ADGRB3: variants seen among roughly 807,000 people sequenced by gnomAD.
ADGRB3 encodes adhesion G protein-coupled receptor B3.
Under a neutral mutation model 193.4 loss-of-function variants are expected in ADGRB3, and 37 were observed. That is an observed-to-expected ratio of 0.19 (90% CI 0.15 to 0.25). The LOEUF (loss-of-function observed/expected upper bound fraction) is 0.25. Among genes scored for constraint, ADGRB3 ranks in the 10% least tolerant of loss-of-function variants. The probability of loss-of-function intolerance (pLI) is 1.00; values close to 1 mark genes in which losing one functional copy is unlikely to be tolerated. For missense variants in ADGRB3, 1,637 were observed against 1,852.9 expected (o/e 0.88, Z 2.14); for synonymous variants, 690 against 644.2 (o/e 1.07, Z -1.08).
At chr6:68,732,436 T>G (rs528660161) in intron 3 of ADGRB3, among the ~76,000 whole-genome samples, 1 of 152,044 alleles carries the variant, frequency 6.6e-6, no homozygotes, top group African/African-American at 2.4e-5. Context: ...AAAATTGTTT[T>G]GGTTATAAAA....
chr6:68,860,274 A>G (rs1053622548), intron 3 of ADGRB3, among the ~76,000 whole-genome samples: 1 of 152,144 alleles, frequency 6.6e-6, no homozygotes, highest in Admixed American at 6.5e-5. Flanking sequence ...TTACATGTGC[A>G]GATTTGTTAC....
At chr6:68,723,250 A>G (rs1027607764) in intron 3 of ADGRB3, among the ~76,000 whole-genome samples, 2 of 151,622 alleles carry the variant, frequency 1.3e-5, no homozygotes, top group Non-Finnish European at 3.0e-5. Flanking sequence ...ATTTTCCTCT[A>G]TGCTTTTCTC....
chr6:68,898,798 C>G (rs1766314217), intron 3 of ADGRB3, among the ~76,000 whole-genome samples: 1 of 152,140 alleles, frequency 6.6e-6, no homozygotes, highest in South Asian at 2.1e-4. Context: ...CTCCCAAAAT[C>G]CATAACCTCA....
intron 26 of ADGRB3, among the ~76,000 whole-genome samples, chr6:69,351,911 C>A (rs1450938518): frequency 6.6e-6 from 1 of 152,144 alleles, no homozygotes; most frequent in Non-Finnish European, 1.5e-5. Context: ...CAAAATATTT[C>A]TCATTTTATA....
At chr6:69,332,187 C>T in intron 23 of ADGRB3, 1 of 985,336 alleles carries the variant, frequency 1.0e-6, no homozygotes, top group Non-Finnish European at 1.2e-6. Flanking sequence ...GACATCTATG[C>T]AGTTTTTACA....
At chr6:69,257,048 G>A (rs530606376) in intron 20 of ADGRB3, among the ~76,000 whole-genome samples, 1 of 152,266 alleles carries the variant, frequency 6.6e-6, no homozygotes, top group South Asian at 2.1e-4. Flanking sequence ...TCCCAGGGAT[G>A]AAGCCCACTT....
intron 3 of ADGRB3, among the ~76,000 whole-genome samples, chr6:68,663,535 T>C (rs1317271272): frequency 6.6e-6 from 1 of 151,816 alleles, no homozygotes; most frequent in African/African-American, 2.4e-5. Flanking sequence ...CTGCCATTAC[T>C]ATCCATGTGT....
intron 8 of ADGRB3, among the ~76,000 whole-genome samples, chr6:68,972,621 C>T (rs777647789): frequency 4.0e-5 from 6 of 150,130 alleles, no homozygotes; most frequent in Admixed American, 6.7e-5. Flanking sequence ...GGTGCTAACT[C>T]GTAGGTGGTT....
intron 20 of ADGRB3, among the ~76,000 whole-genome samples, chr6:69,292,609 C>T (rs1207304275): frequency 1.3e-5 from 2 of 152,166 alleles, no homozygotes; most frequent in Non-Finnish European, 2.9e-5. Flanking sequence ...TTGTCAGACT[C>T]TGCTGCCTGT....
intron 17 of ADGRB3, among the ~76,000 whole-genome samples, chr6:69,086,527 T>G (rs1204242887): frequency 6.6e-6 from 1 of 152,178 alleles, no homozygotes; most frequent in Non-Finnish European, 1.5e-5. Context: ...CATTATAATC[T>G]TTAGCAGTGA....
chr6:69,210,873 T>C (rs901578824), intron 17 of ADGRB3, among the ~76,000 whole-genome samples: 2 of 151,804 alleles, frequency 1.3e-5, no homozygotes, highest in African/African-American at 4.8e-5. Context: ...CCCAGCACTT[T>C]GGGAGGCCGA....
chr6:68,814,388 A>C (rs1001444571), intron 3 of ADGRB3, among the ~76,000 whole-genome samples: 1 of 151,964 alleles, frequency 6.6e-6, no homozygotes, highest in Non-Finnish European at 1.5e-5. Flanking sequence ...TCCTTCACCC[A>C]CTTTTTGATG....
chr6:69,239,119 G>T lies in ADGRB3; in HGVS notation c.2712-5G>T. 6.5e-7 allele frequency: 1 copy of T among 1,547,986 alleles called. No individual in the cohort carries two copies. The highest frequency in any genetic ancestry group is 8.9e-7 in the Non-Finnish European group (1 of 1,126,290). ...AAGTTGGGTAACTTTTCTCTCTCTG[G>T]CTAGGTACATACGCTCTGAGAGATC... On this transcript the variant is annotated splice_polypyrimidine_tract_variant and splice_region_variant and intron_variant, in intron 19 of 31. Coordinates refer to ENST00000370598, the MANE Select transcript of ADGRB3 (RefSeq NM_001704.3).
Position 69,361,386 on chromosome 6 carries a change from A to G in ADGRB3, c.4113A>G (p.Glu1371=). The change falls in exon 29 of 32, where the codon GAA becomes GAG. Residue 1371 remains glutamate, a synonymous_variant. Coordinates refer to ENST00000370598, the MANE Select transcript of ADGRB3 (RefSeq NM_001704.3). ...TAGAGCAACATCTCGCACCCCAGGA[A>G]CATATGCAGAATTTGCCCTTTGAAC... ...MNLEQHLAPQ[E]HMQNLPFEPR... 1 of 1,613,064 alleles carries G rather than the reference A, an allele frequency of 6.2e-7. No individual in the cohort carries two copies. The highest frequency in any genetic ancestry group is 8.5e-7 in the Non-Finnish European group (1 of 1,179,260).
chr6:68,665,438 A>C (rs1561987795), intron 3 of ADGRB3, among the ~76,000 whole-genome samples: 1 of 151,870 alleles, frequency 6.6e-6, no homozygotes, highest in Non-Finnish European at 1.5e-5. Flanking sequence ...ATTCCTCAAA[A>C]TAATTTTATC....
rs149890990 is a variant in ADGRB3 at position 68,925,573 on chromosome 6, A to G, written c.758-4986A>G. On this transcript the variant is annotated intron_variant, in intron 3 of 31. Transcript: ENST00000370598. ...TTGTGATAAATGAGATACCACTTCT[A>G]ATGTAAGATTGTATGGCTTGAAAGA... Among the ~76,000 whole-genome samples, 830 of 152,106 alleles carry G rather than the reference A, an allele frequency of 5.5e-3. 3 individuals are homozygous for G. The highest frequency in any genetic ancestry group is 8.9e-3 in the Non-Finnish European group (602 of 67,910).
intron 17 of ADGRB3, among the ~76,000 whole-genome samples, chr6:69,226,478 C>T (rs1404801170): frequency 6.6e-6 from 1 of 152,122 alleles, no homozygotes; most frequent in East Asian, 1.9e-4. Context: ...ATGATATGTA[C>T]ATTCTAGTGA....
chr6:69,068,366 A>G (rs1197772501), intron 16 of ADGRB3, among the ~76,000 whole-genome samples: 1 of 152,226 alleles, frequency 6.6e-6, no homozygotes, highest in Non-Finnish European at 1.5e-5. Flanking sequence ...TATATATTGT[A>G]CCTATATAAA....
intron 24 of ADGRB3, among the ~76,000 whole-genome samples, chr6:69,336,081 T>TAGA (rs1768839760): frequency 6.6e-6 from 1 of 151,914 alleles, no homozygotes; most frequent in South Asian, 2.1e-4. Context: ...AGTTCAGGAG[T>TAGA]AGAAGTACAG....
Sources: allele counts gnomAD v4.1 joint callset (sites outside exome capture counted in the v4.1 genomes callset), GRCh38; gene constraint gnomAD v4.1.1; transcripts MANE v1.5; gene names NCBI Gene and HGNC (gene_info 2026-07-23, HGNC 2026-07-21).